The following EEF2K variants were observed in gnomAD, a reference collection of about 807,000 sequenced individuals.
The protein encoded by EEF2K is alternative protein EEF2K.
A neutral mutation model predicts 93.8 loss-of-function variants in EEF2K; 70 were observed. That is an observed-to-expected ratio of 0.75 (90% CI 0.62 to 0.91). EEF2K has a LOEUF of 0.91. Among genes scored for constraint, EEF2K ranks in the 40% least tolerant of loss-of-function variants. The pLI, the probability that EEF2K is intolerant of heterozygous loss-of-function variation, is 0.00. For missense variants in EEF2K, 935 were observed against 972.9 expected (o/e 0.96, Z 0.52); for synonymous variants, 376 against 380.8 (o/e 0.99, Z 0.15).
In EEF2K at chr16:22,248,836, C is replaced by G. The variant is rs192466948; in HGVS notation, c.408+21C>G. 13,796 of 1,613,162 alleles carry G rather than the reference C, an allele frequency of 8.6e-3. 111 individuals are homozygous for G. Among genetic ancestry groups the G allele is most frequent in the South Asian group, 0.01 (940 of 91,016 alleles). ...CTCAGGTGAGCAGAGCGTTGAGCCC[C>G]GTGGGGACAGGGCTGAGCAAAGACT... is the stretch of plus-strand genomic sequence containing the variant. On this transcript the variant is annotated intron_variant, in intron 4 of 17. Coordinates refer to ENST00000263026, the MANE Select transcript of EEF2K (RefSeq NM_013302.5).
chr16:22,259,330 C>T (rs1423959956), intron 10 of EEF2K, among the ~76,000 whole-genome samples: 1 of 152,156 alleles, frequency 6.6e-6, no homozygotes, highest in Non-Finnish European at 1.5e-5. Context: ...AGGCTCAGAG[C>T]AGGAGAGCAA....
At chr16:22,229,137 C>CAAAAACA (rs1009741981) in intron 2 of EEF2K, among the ~76,000 whole-genome samples, 4 of 151,812 alleles carry the variant, frequency 2.6e-5, no homozygotes, top group Non-Finnish European at 4.4e-5. Context: ...GACTCCATCT[C>CAAAAACA]AAAAACAAAA....
chr16:22,283,746 C>T, intron 17 of EEF2K, 141 bp from the exon 18 acceptor site: 1 of 778,958 alleles, frequency 1.3e-6, no homozygotes. Context: ...CCCGGAACAC[C>T]TGGAGGGAGA....
chr16:22,233,505 C>T lies in EEF2K; in HGVS notation c.246+7530C>T, dbSNP rs372389383. ...ACCACCCTGGCCAACATGGTGAAAC[C>T]CCGTCTCTACTAAAAATACAAAAAA... On this transcript the variant is annotated intron_variant, in intron 2 of 17. Coordinates refer to ENST00000263026, the MANE Select transcript of EEF2K (RefSeq NM_013302.5). 2.9e-3 allele frequency among the ~76,000 whole-genome samples: 434 copies of T among 151,196 alleles called. 18 individuals carry two copies. The South Asian group carries it at 0.082, about 29-fold the overall frequency.
At chr16:22,273,569 C>A in intron 15 of EEF2K, 57 bp from the exon 16 acceptor site, 1 of 1,593,064 alleles carries the variant, frequency 6.3e-7, no homozygotes. Flanking sequence ...ATCTTGGCAG[C>A]CCTCGAGTGT....
intron 3 of EEF2K, among the ~76,000 whole-genome samples, chr16:22,246,515 TA>T (rs746408835): frequency 0.068 from 4,803 of 70,498 alleles, 86 homozygotes; most frequent in Non-Finnish European, 0.095. Flanking sequence ...GACTCAGTCT[TA>T]AAAAAAAAAA....
chr16:22,228,632 T>C (rs1002576327), intron 2 of EEF2K, among the ~76,000 whole-genome samples: 10 of 152,252 alleles, frequency 6.6e-5, no homozygotes, highest in African/African-American at 9.6e-5. Context: ...CTTGCTTATA[T>C]GTCGTTTGAG....
At chr16:22,223,544 G>A (rs1324362734) in intron 1 of EEF2K, among the ~76,000 whole-genome samples, 1 of 152,126 alleles carries the variant, frequency 6.6e-6, no homozygotes, top group Non-Finnish European at 1.5e-5. Flanking sequence ...CGTAAGGAAG[G>A]GGATCAACTT....
intron 2 of EEF2K, among the ~76,000 whole-genome samples, chr16:22,227,577 T>C (rs539445629): frequency 1.3e-5 from 2 of 152,312 alleles, no homozygotes; most frequent in South Asian, 2.1e-4. Flanking sequence ...GGTGCCAGCG[T>C]GGGTACTTGA....
intron 15 of EEF2K, among the ~76,000 whole-genome samples, chr16:22,268,943 C>T (rs2047551259): frequency 6.7e-6 from 1 of 150,172 alleles, no homozygotes; most frequent in Non-Finnish European, 1.5e-5. Context: ...GGCAACAGAG[C>T]AAGACTCCAT....
At chr16:22,250,525 G>A (rs2047339243) in intron 4 of EEF2K, 129 bp from the exon 5 acceptor site, 3 of 1,089,884 alleles carry the variant, frequency 2.8e-6, no homozygotes, top group South Asian at 2.9e-5. Flanking sequence ...GATCCCCAGG[G>A]ATTTCAGGAT....
intron 5 of EEF2K, 65 bp downstream of exon 5, chr16:22,250,756 G>A: frequency 6.2e-7 from 1 of 1,603,496 alleles, no homozygotes; most frequent in Non-Finnish European, 8.5e-7. Context: ...AAGAGCTGAG[G>A]CATTGGGACA....
chr16:22,263,035 G>A, intron 11 of EEF2K, 75 bp from the exon 12 acceptor site: 1 of 1,369,606 alleles, frequency 7.3e-7, no homozygotes, highest in Non-Finnish European at 1.0e-6. Flanking sequence ...CTAACAGTTG[G>A]GGTGTTGAGA....
chr16:22,253,347 C>T (rs2047369319), intron 6 of EEF2K, among the ~76,000 whole-genome samples: 1 of 152,184 alleles, frequency 6.6e-6, no homozygotes, highest in Non-Finnish European at 1.5e-5. Flanking sequence ...CTGCTGTTTG[C>T]AGAGCCCTTG....
rs897047983 is a variant in EEF2K at position 22,263,314 on chromosome 16, A to C, written c.1377+127A>C. On this transcript the variant is annotated intron_variant, in intron 12 of 17. Transcript: ENST00000263026. Reference sequence around the variant, plus strand: ...CTGAGAAGATAACAAGTAAATTAATAAAGAGTATTTCAGGCCGGTCATGGT... The same window carrying C: ...CTGAGAAGATAACAAGTAAATTAATCAAGAGTATTTCAGGCCGGTCATGGT... The C allele has an allele frequency of 5.7e-5, 49 of 856,094 alleles. No individual in the cohort carries two copies. The African/African-American group carries it at 7.5e-4, about 13-fold the overall frequency. The allele number at this position is 856,094 out of a possible 1,614,324, so 53.0% of individuals were successfully genotyped here. A position where few individuals can be genotyped will look rare whatever the true frequency, so the allele number is the denominator to read the frequency against.
chr16:22,249,002 C>T lies in EEF2K; in HGVS notation c.408+187C>T, dbSNP rs185602776. On this transcript the variant is annotated intron_variant, in intron 4 of 17. Transcript: ENST00000263026. ...TTTTTTTTTTTTTTTGAGACAGGGT[C>T]TCACTCTATTGCCCAGGAGCACAGT... Among the ~76,000 whole-genome samples the T allele has an allele frequency of 5.7e-3, 766 of 134,126 alleles. 5 individuals carry two copies. Among genetic ancestry groups the T allele is most frequent in the African/African-American group, 0.02 (685 of 34,754 alleles). The allele number at this position is 134,126 out of a possible 152,430, so 88.0% of individuals were successfully genotyped here. A position where few individuals can be genotyped will look rare whatever the true frequency, so the allele number is the denominator to read the frequency against.
chr16:22,227,160 C>T (rs1291001435), intron 2 of EEF2K, among the ~76,000 whole-genome samples: 1 of 152,182 alleles, frequency 6.6e-6, no homozygotes, highest in African/African-American at 2.4e-5. Context: ...GATTGCACCA[C>T]TGCACTCCAG....
intron 17 of EEF2K, among the ~76,000 whole-genome samples, chr16:22,280,970 C>A (rs1049562869): frequency 6.6e-6 from 1 of 151,902 alleles, no homozygotes; most frequent in African/African-American, 2.4e-5. Context: ...CCCAGAGTTT[C>A]ACTCTTGTAG....
At position 22,257,306 on chromosome 16, in the gene EEF2K, C is replaced by T. The variant is rs2141673959; in HGVS notation, c.822C>T (p.Asp274=). 6.2e-7 allele frequency: 1 copy of T among 1,614,034 alleles called. No individual in the cohort carries two copies. Among genetic ancestry groups the T allele is most frequent in the Non-Finnish European group, 8.5e-7 (1 of 1,180,012 alleles). Reference sequence around the variant, plus strand: ...CCGGCCATCAGCTGATAGTGGTGGACATCCAGGGAGTTGGGGATCTCTACA... The same window carrying T: ...CCGGCCATCAGCTGATAGTGGTGGATATCCAGGGAGTTGGGGATCTCTACA... ...ERSGHQLIVV[D]IQGVGDLYTD... The change falls in exon 8 of 18, where the codon GAC becomes GAT. Residue 274 remains aspartate (D), a synonymous_variant. Transcript: ENST00000263026.
Sources: allele counts gnomAD v4.1 joint callset (sites outside exome capture counted in the v4.1 genomes callset), GRCh38; gene constraint gnomAD v4.1.1; transcripts MANE v1.5; gene names NCBI Gene and HGNC (gene_info 2026-07-23, HGNC 2026-07-21).